KLHL6: variants seen among roughly 807,000 people sequenced by gnomAD.
KLHL6 encodes kelch like family member 6.
A neutral mutation model predicts 58.6 loss-of-function variants in KLHL6; 41 were observed. The ratio of observed to expected loss-of-function variants is 0.70; its 90% confidence interval spans 0.55 to 0.91. The LOEUF (loss-of-function observed/expected upper bound fraction) is 0.91. Ranked by LOEUF, KLHL6 falls within the 40% of genes least tolerant of loss-of-function variation. KLHL6 has a pLI of 0.00. For synonymous variants in KLHL6, 338 were observed against 322.7 expected, an observed-to-expected ratio of 1.05 and a Z score of -0.51; for missense variants, 714 against 805.6, an observed-to-expected ratio of 0.89 and a Z score of 1.38.
intron 1 of KLHL6, among the ~76,000 whole-genome samples, chr3:183,554,780 G>A (rs1713048976): frequency 6.6e-6 from 1 of 152,188 alleles, no homozygotes; most frequent in South Asian, 2.1e-4. Flanking sequence ...TTTGGAACAA[G>A]GAAATATACA....
chr3:183,506,919 AAGT>A (rs146715323), intron 3 of KLHL6, among the ~76,000 whole-genome samples: 3,854 of 152,268 alleles, frequency 0.025, 175 homozygotes, highest in East Asian at 0.18. Context: ...CTGAGTTTTG[AAGT>A]AGGAGTAGAA....
rs758611443 is a variant in KLHL6 at position 183,492,728 on chromosome 3, A to C, written c.1351-21T>G. The C allele has an allele frequency of 3.7e-6, 6 of 1,610,510 alleles. No homozygotes were observed. The Admixed American group carries it at 6.7e-5, about 18-fold the overall frequency. On this transcript the variant is annotated intron_variant, in intron 5 of 6. Coordinates refer to ENST00000341319, the MANE Select transcript of KLHL6 (RefSeq NM_130446.4). This position sits in a 1 kb window ranked among gnomAD's most constrained non-coding sequence, Gnocchi z 5.9. The stretch of plus-strand genomic sequence containing the variant: ...GCGGCCTGTAGAGGCACAGGGCACA[A>C]GAAGAAGCTGTCAGTCATGCTGCCC...
At chr3:183,501,204 T>C (rs1025182137) in intron 3 of KLHL6, among the ~76,000 whole-genome samples, 6 of 151,892 alleles carry the variant, frequency 4.0e-5, no homozygotes, top group African/African-American at 1.2e-4. Context: ...GGTGAAGGGG[T>C]GGGCCAGGGA....
At chr3:183,551,084 G>C (rs1712898497) in intron 1 of KLHL6, among the ~76,000 whole-genome samples, 1 of 148,144 alleles carries the variant, frequency 6.8e-6, no homozygotes, top group South Asian at 2.1e-4. Flanking sequence ...TACTGCCACT[G>C]CACTCCAGCC....
chr3:183,555,654 C>A lies in KLHL6; in HGVS notation c.-1G>T, dbSNP rs547645738. 1 of 1,582,672 alleles carries A rather than the reference C, an allele frequency of 6.3e-7. No homozygotes were observed. Among genetic ancestry groups the A allele is most frequent in the African/African-American group, 1.4e-5 (1 of 73,538 alleles). The stretch of plus-strand genomic sequence containing the variant: ...CGCCCCTTTGTCCTGCCATCAACAT[C>A]GAGACTGAAGGAGCGCCCAAGTGTC... On this transcript the variant is annotated 5_prime_UTR_variant, in exon 1 of 7. Coordinates refer to ENST00000341319, the MANE Select transcript of KLHL6 (RefSeq NM_130446.4).
At chr3:183,546,306 T>A (rs1362974159) in intron 1 of KLHL6, among the ~76,000 whole-genome samples, 1 of 152,242 alleles carries the variant, frequency 6.6e-6, no homozygotes, top group Non-Finnish European at 1.5e-5. Context: ...CTATTCTGCA[T>A]ATATTGCAGG....
intron 5 of KLHL6, chr3:183,493,832 C>A: frequency 1.9e-6 from 1 of 519,636 alleles, no homozygotes; most frequent in Non-Finnish European, 3.5e-6. Context: ...ATCTGGGGTT[C>A]TGTCCAAATT....
At chr3:183,555,187 T>C (rs1713064939) in intron 1 of KLHL6, among the ~76,000 whole-genome samples, 174 bp downstream of exon 1, 1 of 152,008 alleles carries the variant, frequency 6.6e-6, no homozygotes, top group Non-Finnish European at 1.5e-5. Context: ...AATAAATAAA[T>C]AATAAAATAA....
At position 183,488,373 on chromosome 3, in the gene KLHL6, T is replaced by G. The variant is rs1003518184; in HGVS notation, c.*3554A>C. 3.3e-5 allele frequency: 5 copies of G among 152,310 alleles called. No homozygotes were observed. The highest frequency in any genetic ancestry group is 3.3e-4 in the Admixed American group (5 of 15,288). The allele number at this position is 152,310 out of a possible 1,614,324, so 9.4% of individuals were successfully genotyped here. Reference sequence around the variant, plus strand: ...AGAAGGGGATTCCTTCCTTAGTTCCTTGCCTAGAATACTCCCTTACCCTTA... The same window carrying G: ...AGAAGGGGATTCCTTCCTTAGTTCCGTGCCTAGAATACTCCCTTACCCTTA... On this transcript the variant is annotated 3_prime_UTR_variant, in exon 7 of 7. Transcript: ENST00000341319.
chr3:183,527,723 CGTGTGT>C (rs146293695), intron 2 of KLHL6, 116 bp downstream of exon 2: 1 of 689,936 alleles, frequency 1.4e-6, no homozygotes, highest in Non-Finnish European at 2.4e-6. Flanking sequence ...TGTTTGTGTG[CGTGTGT>C]GTGTGTGTGT....
chr3:183,529,794 A>AT (rs771913183), intron 1 of KLHL6, among the ~76,000 whole-genome samples: 2 of 151,916 alleles, frequency 1.3e-5, no homozygotes, highest in South Asian at 2.1e-4. Context: ...CAAAAAAAAA[A>AT]GAAAGAAAGA....
chr3:183,518,244 T>A (rs984822554), intron 2 of KLHL6, among the ~76,000 whole-genome samples: 3 of 151,858 alleles, frequency 2.0e-5, no homozygotes, highest in Admixed American at 1.3e-4. Context: ...AGCTGAACAC[T>A]CTCTCTCTCT....
At position 183,499,100 on chromosome 3, in the gene KLHL6, G is replaced by C. The variant is rs1717794567; in HGVS notation, c.1147+490C>G. On this transcript the variant is annotated intron_variant, in intron 4 of 6. Coordinates refer to ENST00000341319, the MANE Select transcript of KLHL6 (RefSeq NM_130446.4). The surrounding 1 kb of genome is among the most constrained non-coding windows in gnomAD (Gnocchi z 4.6). Reference sequence around the variant, plus strand: ...CTCACGCCTGTAATCCCAGCACTTTGGGAGGCCGAAGCTGGTGCATCACCT... The same window carrying C: ...CTCACGCCTGTAATCCCAGCACTTTCGGAGGCCGAAGCTGGTGCATCACCT... Among the ~76,000 whole-genome samples, 1 of 152,294 alleles carries C rather than the reference G, an allele frequency of 6.6e-6. No individual in the cohort carries two copies. The highest frequency in any genetic ancestry group is 2.4e-5 in the African/African-American group (1 of 41,570).
At chr3:183,509,126 A>G (rs1718107631) in intron 2 of KLHL6, among the ~76,000 whole-genome samples, 1 of 152,220 alleles carries the variant, frequency 6.6e-6, no homozygotes. Context: ...GGAGAGGGAG[A>G]ACCTAAAGAT....
intron 1 of KLHL6, among the ~76,000 whole-genome samples, chr3:183,549,634 G>A (rs1041327657): frequency 2.0e-5 from 3 of 152,116 alleles, no homozygotes; most frequent in African/African-American, 7.2e-5. Context: ...TCAGCCTCCC[G>A]AGTAGCTGGG....
chr3:183,526,037 G>T (rs1342903668), intron 2 of KLHL6, among the ~76,000 whole-genome samples: 1 of 152,240 alleles, frequency 6.6e-6, no homozygotes, highest in Non-Finnish European at 1.5e-5. Flanking sequence ...GCCGGGTGCG[G>T]TGGCTCATGC....
intron 3 of KLHL6, 86 bp downstream of exon 3, chr3:183,507,973 G>T (rs2108674147): frequency 4.9e-6 from 6 of 1,219,050 alleles, no homozygotes; most frequent in Non-Finnish European, 6.9e-6. Context: ...AAGGATTTTT[G>T]AATCCGCTTT....
At chr3:183,545,167 ATG>A (rs1350795090) in intron 1 of KLHL6, among the ~76,000 whole-genome samples, 3 of 152,160 alleles carry the variant, frequency 2.0e-5, no homozygotes, top group Non-Finnish European at 4.4e-5. Context: ...TGATTTGATA[ATG>A]TGACCAAATA....
At chr3:183,508,607 C>A (rs1480145800) in intron 2 of KLHL6, 99 bp from the exon 3 acceptor site, 1 of 970,240 alleles carries the variant, frequency 1.0e-6, no homozygotes, top group Non-Finnish European at 1.5e-6. Context: ...TTGGAAACAA[C>A]CTAAATGTCC....
Sources: allele counts gnomAD v4.1 joint callset (sites outside exome capture counted in the v4.1 genomes callset), GRCh38; gene constraint gnomAD v4.1.1; non-coding constraint Gnocchi (gnomAD v3.1); transcripts MANE v1.5; gene names NCBI Gene and HGNC (gene_info 2026-07-23, HGNC 2026-07-21).